Variants in PALM2AKAP2 observed in about 807,000 individuals in gnomAD.
The protein encoded by PALM2AKAP2 is PALM2-AKAP2 fusion protein.
In PALM2AKAP2, 37 loss-of-function variants were observed where a neutral mutation model predicts 71.5. The observed-to-expected ratio is 0.52, with a 90% confidence interval of 0.40 to 0.68. The LOEUF is 0.68. Among genes scored for constraint, PALM2AKAP2 ranks in the 30% least tolerant of loss-of-function variants. PALM2AKAP2 has a pLI of 0.00. For synonymous variants in PALM2AKAP2, 468 were observed against 478.8 expected (o/e 0.98, Z 0.29); for missense variants, 1,224 against 1,191.8 (o/e 1.03, Z -0.40).
chr9:109,710,377 A>G (rs536339342), intron 1 of PALM2AKAP2, among the ~76,000 whole-genome samples: 1 of 152,358 alleles, frequency 6.6e-6, no homozygotes, highest in Non-Finnish European at 1.5e-5. Flanking sequence ...CACAAACTAC[A>G]CCACAATTTA....
At chr9:110,120,110 A>G (rs1209259946) in intron 1 of PALM2AKAP2, among the ~76,000 whole-genome samples, 1 of 152,220 alleles carries the variant, frequency 6.6e-6, no homozygotes, top group African/African-American at 2.4e-5. Context: ...GTTGCATAGC[A>G]TTCTATTAGT....
intron 1 of PALM2AKAP2, among the ~76,000 whole-genome samples, chr9:109,847,316 G>A (rs992263481): frequency 6.6e-6 from 1 of 152,190 alleles, no homozygotes; most frequent in African/African-American, 2.4e-5. Context: ...CCCTAAGTCA[G>A]GGAATGCCAG....
At chr9:109,778,927 C>T (rs1829388982), upstream of PALM2AKAP2, among the ~76,000 whole-genome samples, 1 of 151,940 alleles carries the variant, frequency 6.6e-6, no homozygotes, top group South Asian at 2.1e-4. Context: ...TGCCACCACG[C>T]CCGGCTAATT....
upstream of PALM2AKAP2, chr9:109,780,444 T>TG: frequency 6.2e-7 from 1 of 1,611,636 alleles, no homozygotes; most frequent in Non-Finnish European, 8.5e-7. Context: ...CTACAGCGTG[T>TG]GTTTTTTCTT....
At chr9:110,002,989 G>T (rs752776424) in intron 6 of PALM2AKAP2, among the ~76,000 whole-genome samples, 1 of 152,164 alleles carries the variant, frequency 6.6e-6, no homozygotes, top group African/African-American at 2.4e-5. Flanking sequence ...CCACCTCCCG[G>T]ATTCATTGAT....
rs181764785 is a variant in PALM2AKAP2, at chr9:109,790,084, G to A, written c.45+9551G>A. On this transcript the variant is annotated intron_variant, in intron 1 of 9. Transcript: ENST00000302798. ...TACCTTTCTTTTGCATAAGATCGAA[G>A]GGGAAAGAAAAGCCATGTGAGGCCC... is the stretch of plus-strand genomic sequence containing the variant. Among the ~76,000 whole-genome samples the A allele has an allele frequency of 1.1e-3, 164 of 152,258 alleles. 1 individual carries two copies. Among genetic ancestry groups the A allele is most frequent in the African/African-American group, 3.9e-3 (160 of 41,546 alleles).
At chr9:110,105,386 TG>T (rs537900737) in intron 1 of PALM2AKAP2, among the ~76,000 whole-genome samples, 102 of 152,336 alleles carry the variant, frequency 6.7e-4, no homozygotes, top group African/African-American at 2.4e-3. Context: ...AGATCCTACT[TG>T]GGAATTGAAT....
chr9:109,832,800 G>A (rs1026706333), intron 1 of PALM2AKAP2, among the ~76,000 whole-genome samples: 2 of 152,114 alleles, frequency 1.3e-5, no homozygotes, highest in Admixed American at 1.3e-4. Context: ...TTCTCAAATG[G>A]CAAGAGTTTG....
chr9:109,862,968 A>T, intron 1 of PALM2AKAP2: 1 of 506,758 alleles, frequency 2.0e-6, no homozygotes, highest in South Asian at 1.5e-5. Context: ...TGAAGCTGTG[A>T]AATAGACAGG....
intron 1 of PALM2AKAP2, among the ~76,000 whole-genome samples, chr9:110,098,336 A>T (rs1410369770): frequency 6.6e-6 from 1 of 152,192 alleles, no homozygotes; most frequent in Non-Finnish European, 1.5e-5. Flanking sequence ...ACTTATAAAA[A>T]GTGCGTGATA....
At chr9:109,789,714 T>A (rs1827060212) in intron 1 of PALM2AKAP2, among the ~76,000 whole-genome samples, 1 of 152,182 alleles carries the variant, frequency 6.6e-6, no homozygotes, top group African/African-American at 2.4e-5. Flanking sequence ...TCATAAGTGC[T>A]CTGGGTTTGG....
At chr9:110,140,967 T>C (rs1202042872) in intron 2 of PALM2AKAP2, among the ~76,000 whole-genome samples, 3 of 152,134 alleles carry the variant, frequency 2.0e-5, no homozygotes, top group Non-Finnish European at 4.4e-5. Flanking sequence ...AAATGAATAA[T>C]GGGGGGGCGG....
chr9:109,866,629 A>G (rs569185883), intron 1 of PALM2AKAP2, among the ~76,000 whole-genome samples: 2 of 152,340 alleles, frequency 1.3e-5, no homozygotes, highest in East Asian at 1.9e-4. Flanking sequence ...AATTATGACA[A>G]TAAGACTAAC....
intron 1 of PALM2AKAP2, among the ~76,000 whole-genome samples, chr9:109,665,398 A>G (rs934566065): frequency 2.6e-5 from 4 of 151,580 alleles, no homozygotes; most frequent in Admixed American, 6.6e-5. Flanking sequence ...GTTGATGTTG[A>G]TGCTATTCCT....
At chr9:109,698,272 AT>A (rs774359983) in intron 1 of PALM2AKAP2, among the ~76,000 whole-genome samples, 5,700 of 118,530 alleles carry the variant, frequency 0.048, 63 homozygotes, top group South Asian at 0.057. Context: ...TGTGTGCTAC[AT>A]TTTTTTTTTT....
intron 1 of PALM2AKAP2, among the ~76,000 whole-genome samples, chr9:109,790,485 G>A (rs988581185): frequency 1.6e-4 from 24 of 152,160 alleles, no homozygotes; most frequent in African/African-American, 5.6e-4. Flanking sequence ...CCCTTTGGTG[G>A]CAGGCAGGGG....
intron 1 of PALM2AKAP2, among the ~76,000 whole-genome samples, chr9:110,112,344 C>T (rs1564311512): frequency 2.0e-5 from 3 of 152,224 alleles, no homozygotes; most frequent in African/African-American, 4.8e-5. Flanking sequence ...CTCAACTGTG[C>T]CCCTCCTTGT....
chr9:109,931,275 A>C (rs1006215054), intron 5 of PALM2AKAP2, among the ~76,000 whole-genome samples: 1 of 152,202 alleles, frequency 6.6e-6, no homozygotes, highest in Non-Finnish European at 1.5e-5. Context: ...CTTCTTTTAC[A>C]TAGCAACATT....
At chr9:109,831,110 T>G (rs1828287791) in intron 1 of PALM2AKAP2, among the ~76,000 whole-genome samples, 1 of 150,372 alleles carries the variant, frequency 6.7e-6, no homozygotes, top group African/African-American at 2.5e-5. Context: ...AATGCATTCT[T>G]TTTTCCCATT....
Sources: gnomAD v4.1 joint callset for allele counts (sites outside exome capture counted in the v4.1 genomes callset) on GRCh38, gnomAD v4.1.1 for gene constraint, MANE v1.5 for transcripts, NCBI Gene and HGNC (gene_info 2026-07-23, HGNC 2026-07-21) for gene names.